Variants in TUBD1 observed in about 807,000 individuals in gnomAD.
The protein encoded by TUBD1 is tubulin delta chain.
Under a neutral mutation model 51.2 loss-of-function variants are expected in TUBD1, and 38 were observed. The ratio of observed to expected loss-of-function variants is 0.74; its 90% confidence interval spans 0.57 to 0.97. The LOEUF (loss-of-function observed/expected upper bound fraction) is 0.97, where lower values mean the gene tolerates loss of function less well. Among genes scored for constraint, TUBD1 ranks in the 50% least tolerant of loss-of-function variants. The pLI is 0.00. For synonymous variants in TUBD1, 169 were observed against 178.2 expected (o/e 0.95, Z 0.41); for missense variants, 489 against 538.4 (o/e 0.91, Z 0.91).
chr17:59,874,387 C>T (rs1459309057), intron 6 of TUBD1, 152 bp downstream of exon 6: 10 of 610,862 alleles, frequency 1.6e-5, no homozygotes, highest in South Asian at 6.3e-5. Context: ...ATTAAGAAAC[C>T]CTCCTAAGAT....
In TUBD1 at chr17:59,886,169, T is replaced by C. The variant is rs2040712250; in HGVS notation, c.234A>G (p.Ser78=). Residue 78 remains serine (S), a synonymous_variant, in exon 3 of 9, where the codon TCA becomes TCG. Coordinates refer to ENST00000325752, the MANE Select transcript of TUBD1 (RefSeq NM_016261.4). ...MEPKVINQML[S]KAAQSGQWKY... ...TCCATTGGCCAGACTGGGCAGCCTTTGACAGCATTTGATTGATAACTTTGG... is the reference window on the plus strand; with the variant it reads ...TCCATTGGCCAGACTGGGCAGCCTTCGACAGCATTTGATTGATAACTTTGG... 6.2e-7 allele frequency: 1 copy of C among 1,613,852 alleles called. No homozygotes were observed. The highest frequency in any genetic ancestry group is 1.3e-5 in the African/African-American group (1 of 74,874).
intron 3 of TUBD1, among the ~76,000 whole-genome samples, chr17:59,881,985 T>C (rs181475337): frequency 1.3e-5 from 2 of 152,268 alleles, no homozygotes; most frequent in Admixed American, 1.3e-4. Context: ...ACTATTTTGA[T>C]ATATACAATA....
intron 6 of TUBD1, among the ~76,000 whole-genome samples, chr17:59,871,429 A>C (rs1247343831): frequency 6.6e-6 from 1 of 151,988 alleles, no homozygotes; most frequent in Non-Finnish European, 1.5e-5. Flanking sequence ...TCGATCTCTG[A>C]CCTCATGTTT....
chr17:59,865,507 G>A (rs1372933861), intron 7 of TUBD1, among the ~76,000 whole-genome samples: 1 of 152,166 alleles, frequency 6.6e-6, no homozygotes, highest in Non-Finnish European at 1.5e-5. Context: ...TTGAACCTGG[G>A]AGGCAGAGGT....
intron 2 of TUBD1, among the ~76,000 whole-genome samples, chr17:59,890,272 T>C (rs2040937395): frequency 6.6e-6 from 1 of 151,962 alleles, no homozygotes; most frequent in Admixed American, 6.6e-5. Flanking sequence ...GGAGATGGAG[T>C]CTCGCTCTGT....
intron 6 of TUBD1, among the ~76,000 whole-genome samples, chr17:59,868,438 G>T (rs923275820): frequency 3.3e-5 from 5 of 152,088 alleles, no homozygotes; most frequent in Non-Finnish European, 5.9e-5. Flanking sequence ...GCTCATGCCT[G>T]TAATCCCAGC....
Position 59,890,939 on chromosome 17 carries a change from C to T in TUBD1, c.64G>A (p.Ala22Thr), listed in dbSNP as rs748586597. 3.1e-6 allele frequency: 5 copies of T among 1,613,950 alleles called. No individual in the cohort carries two copies. In the South Asian group the frequency reaches 5.5e-5, roughly 18 times the overall value. Residue 22 changes from alanine (A) to threonine (T), a missense_variant, in exon 2 of 9, where the codon GCT becomes ACT. Physicochemically the swap from Ala to Thr is moderately conservative, Grantham distance 58. Transcript: ENST00000325752. ...GNQIGFEVFDALLSDSHSSQG... is the reference protein window; with the variant it reads ...GNQIGFEVFDTLLSDSHSSQG... ...GAACTGTGTGAGTCACTAAGCAAAGCATCAAAAACTTCAAAACCAATCTGA... is the reference window on the plus strand; with the variant it reads ...GAACTGTGTGAGTCACTAAGCAAAGTATCAAAAACTTCAAAACCAATCTGA...
At chr17:59,872,027 C>T (rs1409039353) in intron 6 of TUBD1, among the ~76,000 whole-genome samples, 2 of 151,900 alleles carry the variant, frequency 1.3e-5, no homozygotes. Context: ...GATCTCAGCT[C>T]GCTGCAACCT....
chr17:59,862,110 G>A (rs2039477813), intron 8 of TUBD1, among the ~76,000 whole-genome samples: 1 of 151,126 alleles, frequency 6.6e-6, no homozygotes, highest in South Asian at 2.1e-4. Flanking sequence ...GATCACCTGA[G>A]GTCAGGAGTT....
chr17:59,880,324 T>G (rs923301614), intron 4 of TUBD1, among the ~76,000 whole-genome samples: 1 of 152,022 alleles, frequency 6.6e-6, no homozygotes, highest in African/African-American at 2.4e-5. Flanking sequence ...CCCAAAGTGC[T>G]GGGATTACAG....
At chr17:59,891,856 T>A (rs1182337368) in intron 1 of TUBD1, 1 of 151,864 alleles carries the variant, frequency 6.6e-6, no homozygotes, top group Non-Finnish European at 1.5e-5. Context: ...TCCCAGCTAC[T>A]CGGGAGGCTG....
intron 8 of TUBD1, among the ~76,000 whole-genome samples, chr17:59,861,612 G>C (rs1399913245): frequency 6.6e-6 from 1 of 152,078 alleles, no homozygotes; most frequent in African/African-American, 2.4e-5. Context: ...AGTAGGAAGG[G>C]AATGACACCA....
At chr17:59,865,801 T>C (rs969645001) in intron 7 of TUBD1, among the ~76,000 whole-genome samples, 12 of 151,702 alleles carry the variant, frequency 7.9e-5, no homozygotes, top group African/African-American at 2.9e-4. Context: ...AAGTGTGATA[T>C]GTGACTTTGA....
chr17:59,872,886 C>T (rs929554114), intron 6 of TUBD1, among the ~76,000 whole-genome samples: 12 of 151,904 alleles, frequency 7.9e-5, no homozygotes, highest in Admixed American at 3.3e-4. Context: ...CCTGCCTCAG[C>T]TTCCCAGGAA....
At chr17:59,868,844 A>C (rs1224431541) in intron 6 of TUBD1, among the ~76,000 whole-genome samples, 1 of 151,728 alleles carries the variant, frequency 6.6e-6, no homozygotes, top group Non-Finnish European at 1.5e-5. Flanking sequence ...TCAAAAAATA[A>C]ATAAATAAAT....
chr17:59,885,318 G>A (rs1230380959), intron 3 of TUBD1: 2 of 633,422 alleles, frequency 3.2e-6, no homozygotes, highest in East Asian at 3.0e-5. Context: ...GTGAACCGAT[G>A]CACTGGCAGC....
chr17:59,869,310 C>A (rs1004346529), intron 6 of TUBD1, among the ~76,000 whole-genome samples: 15 of 151,134 alleles, frequency 9.9e-5, no homozygotes, highest in African/African-American at 3.6e-4. Flanking sequence ...CCCGTCTCTA[C>A]TAAAAAAATA....
At chr17:59,882,526 A>T (rs4047777) in intron 3 of TUBD1, among the ~76,000 whole-genome samples, 41,325 of 151,708 alleles carry the variant, frequency 0.27, 5,766 homozygotes, top group Middle Eastern at 0.42. Flanking sequence ...ACCTCAAATG[A>T]TCTGCCCACT....
In TUBD1 at chr17:59,881,125, A is replaced by T; in HGVS notation, c.321-15T>A. The stretch of plus-strand genomic sequence containing the variant: ...GAACAGAGTAACTATGCAATGGCAA[A>T]AGAAACAAACACAAACACTTTTCAA... On this transcript the variant is annotated splice_polypyrimidine_tract_variant and intron_variant, in intron 3 of 8. Coordinates refer to ENST00000325752, the MANE Select transcript of TUBD1 (RefSeq NM_016261.4). The T allele has an allele frequency of 6.3e-7, 1 of 1,583,630 alleles. No individual in the cohort carries two copies. The highest frequency in any genetic ancestry group is 8.7e-7 in the Non-Finnish European group (1 of 1,152,630).
Sources: gnomAD v4.1 joint callset for allele counts (sites outside exome capture counted in the v4.1 genomes callset) on GRCh38, gnomAD v4.1.1 for gene constraint, MANE v1.5 for transcripts, NCBI Gene and HGNC (gene_info 2026-07-23, HGNC 2026-07-21) for gene names.